Variants in TF observed in about 807,000 individuals in gnomAD.
TF encodes the protein serotransferrin.
Under a neutral mutation model 82.4 loss-of-function variants are expected in TF, and 55 were observed. That is an observed-to-expected ratio of 0.67 (90% CI 0.54 to 0.84). The LOEUF (loss-of-function observed/expected upper bound fraction) is 0.84, where lower values mean the gene tolerates loss of function less well. Ranked by LOEUF, TF falls within the 40% of genes least tolerant of loss-of-function variation. The pLI is 0.00. For missense variants in TF, 737 were observed against 868.4 expected, an observed-to-expected ratio of 0.85 and a Z score of 1.90; for synonymous variants, 332 against 332.6, an observed-to-expected ratio of 1.00 and a Z score of 0.02.
At chr3:133,683,536 A>T in the TF span, among the ~76,000 whole-genome samples, 25 of 152,090 alleles carry the variant, frequency 1.6e-4, no homozygotes, top group East Asian at 7.7e-4. Context: ...ACAAAAAAAA[A>T]GCAGTGGTTG....
At chr3:133,670,996 A>T in the TF span, among the ~76,000 whole-genome samples, 1 of 152,248 alleles carries the variant, frequency 6.6e-6, no homozygotes, top group Non-Finnish European at 1.5e-5. Context: ...CAGAGAACTA[A>T]GCTTGACAAA....
intron 14 of TF, chr3:133,772,705 G>T (rs1024818807): frequency 6.7e-5 from 7 of 104,974 alleles, no homozygotes; most frequent in African/African-American, 2.8e-4. Flanking sequence ...TTCAAAACGT[G>T]TCTTTTTTCA....
chr3:133,669,907 A>G, the TF span, among the ~76,000 whole-genome samples: 1 of 152,236 alleles, frequency 6.6e-6, no homozygotes, highest in Non-Finnish European at 1.5e-5. Context: ...AGAAAATTTG[A>G]TCTCTGCCCT....
the TF span, among the ~76,000 whole-genome samples, chr3:133,722,991 T>C: frequency 6.6e-6 from 1 of 152,262 alleles, no homozygotes. Context: ...TAACTTTTGC[T>C]TGTCTGTGAA....
At chr3:133,737,954 T>C in the TF span, among the ~76,000 whole-genome samples, 1 of 152,112 alleles carries the variant, frequency 6.6e-6, no homozygotes, top group Non-Finnish European at 1.5e-5. Context: ...TCCCCCCAAC[T>C]CATTTTATGA....
intron 2 of TF, 64 bp downstream of exon 2, chr3:133,748,648 TG>T: frequency 6.3e-7 from 1 of 1,587,610 alleles, no homozygotes; most frequent in East Asian, 2.3e-5. Context: ...CCAGTCACTT[TG>T]GAACAATTCT....
rs948182871 is a variant in TF at position 133,768,296 on chromosome 3, C to G, written c.1622+132C>G. On this transcript the variant is annotated intron_variant, in intron 13 of 16. Coordinates refer to ENST00000402696, the MANE Select transcript of TF (RefSeq NM_001063.4). ...TGTATTAAGAGAGTATATTTCACAA[C>G]CAGATATAGAGCCACATGGGGAGGG... is the stretch of plus-strand genomic sequence containing the variant. The G allele has an allele frequency of 5.4e-6, 7 of 1,288,104 alleles. No individual in the cohort carries two copies. In the African/African-American group the frequency reaches 1.0e-4, roughly 19 times the overall value. 79.8% of individuals were successfully genotyped at this position (1,288,104 alleles called of 1,614,324 possible). A position where few individuals can be genotyped will look rare whatever the true frequency, so the allele number is the denominator to read the frequency against.
chr3:133,754,355 C>T, intron 3 of TF, 140 bp from the exon 4 acceptor site: 1 of 832,394 alleles, frequency 1.2e-6, no homozygotes, highest in Admixed American at 1.9e-5. Flanking sequence ...GGAAGGTTTT[C>T]CTGATTCCCC....
At chr3:133,676,720 A>G in the TF span, among the ~76,000 whole-genome samples, 1 of 152,242 alleles carries the variant, frequency 6.6e-6, no homozygotes, top group Non-Finnish European at 1.5e-5. Context: ...GTTGAACTGC[A>G]GTCACAAGGA....
At chr3:133,684,046 A>C in the TF span, among the ~76,000 whole-genome samples, 1 of 152,204 alleles carries the variant, frequency 6.6e-6, no homozygotes, top group African/African-American at 2.4e-5. Flanking sequence ...GGATTAAGAA[A>C]CTCACTCAAA....
rs1425280759 is a variant in TF at position 133,784,485 on chromosome 3, A to T, written c.*5865A>T. 1 of 145,094 alleles carries T rather than the reference A, an allele frequency of 6.9e-6. No individual in the cohort carries two copies. The highest frequency in any genetic ancestry group is 6.8e-5 in the Admixed American group (1 of 14,636). The allele number at this position is 145,094 out of a possible 1,614,324, so 9.0% of individuals were successfully genotyped here. ...ATTTGTTAAAAAAATAATAATAATA[A>T]TAATAATAATAATAATAATAATAGG... On this transcript the variant is annotated 3_prime_UTR_variant, in exon 17 of 17. Transcript: ENST00000402696.
chr3:133,755,055 G>C (rs1247720420), intron 4 of TF, among the ~76,000 whole-genome samples: 1 of 152,240 alleles, frequency 6.6e-6, no homozygotes, highest in Non-Finnish European at 1.5e-5. Context: ...TCCCAGAGGG[G>C]ACCTCTCTCT....
chr3:133,711,420 G>A, the TF span, among the ~76,000 whole-genome samples: 1 of 152,116 alleles, frequency 6.6e-6, no homozygotes, highest in Non-Finnish European at 1.5e-5. Flanking sequence ...AGCACACTAA[G>A]CTCATCCTGT....
chr3:133,689,120 G>A, the TF span, among the ~76,000 whole-genome samples: 5 of 152,048 alleles, frequency 3.3e-5, no homozygotes, highest in Non-Finnish European at 5.9e-5. Flanking sequence ...GAGGTCAGGC[G>A]CTCAAGACCA....
rs111393164 is a variant in TF at position 133,753,312 on chromosome 3, C to T, written c.217-283C>T. 3.2e-4 allele frequency among the ~76,000 whole-genome samples: 48 copies of T among 152,300 alleles called. No individual in the cohort carries two copies. In the South Asian group the frequency reaches 4.6e-3, roughly 14 times the overall value. ...CAGGTTAAGCCTTCGTAATTGCCTA[C>T]GGTAAAGTCACGTAGGATTTTTGGC... On this transcript the variant is annotated intron_variant, in intron 2 of 16. Transcript: ENST00000402696.
rs1187265997 is a variant in TF, at chr3:133,780,103, C to T, written c.*1483C>T. 4 of 152,128 alleles carry T rather than the reference C, an allele frequency of 2.6e-5. No homozygotes were observed. Among genetic ancestry groups the T allele is most frequent in the Non-Finnish European group, 4.4e-5 (3 of 68,034 alleles). 9.4% of individuals were successfully genotyped at this position (152,128 alleles called of 1,614,324 possible). A position where few individuals can be genotyped will look rare whatever the true frequency, so the allele number is the denominator to read the frequency against. On this transcript the variant is annotated 3_prime_UTR_variant, in exon 17 of 17. Transcript: ENST00000402696. ...TAAGGGGTATCTGGACACAACATTC[C>T]ACACCTCTCTCAACTGTCTAGTATT... is the stretch of plus-strand genomic sequence containing the variant.
chr3:133,778,804 C>G lies in TF; in HGVS notation c.*184C>G. 1 of 546,464 alleles carries G rather than the reference C, an allele frequency of 1.8e-6. No individual in the cohort carries two copies. Among genetic ancestry groups the G allele is most frequent in the South Asian group, 2.0e-5 (1 of 48,974 alleles). The allele number at this position is 546,464 out of a possible 1,614,324, so 33.9% of individuals were successfully genotyped here. Reference sequence around the variant, plus strand: ...GATTTTATATTTCAAAAACTCCATTCTTTCCTAAATATTTTCAACAAAGGA... The same window carrying G: ...GATTTTATATTTCAAAAACTCCATTGTTTCCTAAATATTTTCAACAAAGGA... On this transcript the variant is annotated 3_prime_UTR_variant, in exon 17 of 17. Coordinates refer to ENST00000402696, the MANE Select transcript of TF (RefSeq NM_001063.4).
chr3:133,733,870 A>C, the TF span, among the ~76,000 whole-genome samples: 4 of 94,596 alleles, frequency 4.2e-5, no homozygotes, highest in African/African-American at 1.4e-4. Flanking sequence ...TAAAAAACAA[A>C]AAAAAAAAAA....
chr3:133,748,453 G>T lies in TF; in HGVS notation c.85G>T (p.Ala29Ser), dbSNP rs757483130. The T allele has an allele frequency of 4.3e-6, 7 of 1,614,170 alleles. No individual in the cohort carries two copies. The South Asian group carries it at 7.7e-5, about 18-fold the overall frequency. Residue 29 changes from alanine (A) to serine (S), a missense_variant, in exon 2 of 17, where the codon GCA becomes TCA. By Grantham distance (99) the Ala-to-Ser change is moderately conservative (BLOSUM62 1). Coordinates refer to ENST00000402696, the MANE Select transcript of TF (RefSeq NM_001063.4). ...AVPDKTVRWC[A>S]VSEHEATKCQ... The stretch of plus-strand genomic sequence containing the variant: ...CCCTGATAAAACTGTGAGATGGTGT[G>T]CAGTGTCGGAGCATGAGGCCACTAA...
Sources: allele counts gnomAD v4.1 joint callset (sites outside exome capture counted in the v4.1 genomes callset), GRCh38; gene constraint gnomAD v4.1.1; transcripts MANE v1.5; gene names NCBI Gene and HGNC (gene_info 2026-07-23, HGNC 2026-07-21).